The following PIWIL2 variants were observed in gnomAD, a reference collection of about 807,000 sequenced individuals.
PIWIL2 encodes piwi-like protein 2.
PIWIL2 carries 81 observed loss-of-function variants against 116.5 expected under a neutral mutation model. The observed-to-expected ratio is 0.70, with a 90% CI of 0.58 to 0.84. The LOEUF is 0.84. Among genes scored for constraint, PIWIL2 ranks in the 40% least tolerant of loss-of-function variants. PIWIL2 has a pLI of 0.00. For missense variants in PIWIL2, 1,272 were observed against 1,212.3 expected (o/e 1.05, Z -0.73); for synonymous variants, 489 against 429.5 (o/e 1.14, Z -1.71).
At chr8:22,294,644 CA>C (rs897494985) in intron 10 of PIWIL2, among the ~76,000 whole-genome samples, 2,112 of 29,896 alleles carry the variant, frequency 0.071, 4 homozygotes, top group African/African-American at 0.15. Flanking sequence ...GACTCTGTCT[CA>C]AAAAAAAAAA....
intron 19 of PIWIL2, 75 bp downstream of exon 19, chr8:22,316,408 T>C (rs1831461087): frequency 2.2e-6 from 2 of 890,878 alleles, no homozygotes. Flanking sequence ...ATCCAGCAAA[T>C]CTTTTTAGCA....
intron 9 of PIWIL2, 144 bp from the exon 10 acceptor site, chr8:22,290,089 A>G (rs1830724975): frequency 5.7e-6 from 4 of 701,774 alleles, no homozygotes; most frequent in Non-Finnish European, 7.3e-6. Flanking sequence ...TAAGTTTGCA[A>G]TAATGTCAAT....
intron 8 of PIWIL2, among the ~76,000 whole-genome samples, chr8:22,289,640 G>A (rs929466233): frequency 1.3e-5 from 2 of 152,208 alleles, no homozygotes; most frequent in African/African-American, 4.8e-5. Context: ...AAAGACTGCT[G>A]TCATTTTGCT....
At position 22,311,228 on chromosome 8, in the gene PIWIL2, G is replaced by T; in HGVS notation, c.1917G>T (p.Pro639=). 1 of 1,614,122 alleles carries T rather than the reference G, an allele frequency of 6.2e-7. No homozygotes were observed. Among genetic ancestry groups the T allele is most frequent in the Non-Finnish European group, 8.5e-7 (1 of 1,180,004 alleles). Reference sequence around the variant, plus strand: ...CCATTGGCATGCGTATGAGCCCACCGGCCTGGGTTGAACTAAAGGATGACC... The same window carrying T: ...CCATTGGCATGCGTATGAGCCCACCTGCCTGGGTTGAACTAAAGGATGACC... ...AGPIGMRMSP[P]AWVELKDDRI... Residue 639 remains proline (P), a synonymous_variant, in exon 16 of 23, where the codon CCG becomes CCT. Transcript: ENST00000356766.
At chr8:22,321,880 C>G in intron 20 of PIWIL2, 1 of 985,180 alleles carries the variant, frequency 1.0e-6, no homozygotes, top group Non-Finnish European at 1.2e-6. Context: ...CCAACACCTC[C>G]GAACAGTTGC....
chr8:22,307,133 A>G (rs1831201823), intron 13 of PIWIL2, among the ~76,000 whole-genome samples: 1 of 152,196 alleles, frequency 6.6e-6, no homozygotes, highest in South Asian at 2.1e-4. Flanking sequence ...GTTTGGCTGG[A>G]TGCCTCACAC....
intron 10 of PIWIL2, among the ~76,000 whole-genome samples, chr8:22,290,975 T>TATATATATATATATA (rs947701007): frequency 1.3e-4 from 19 of 149,506 alleles, no homozygotes; most frequent in Non-Finnish European, 1.5e-4. Flanking sequence ...TGTATATATA[T>TATATATATATATATA]TTTTTTTAAT....
Position 22,354,392 on chromosome 8 carries a change from T to A in PIWIL2, c.2765+14T>A. 6.7e-7 allele frequency: 1 copy of A among 1,501,516 alleles called. No homozygotes were observed. Among genetic ancestry groups the A allele is most frequent in the Non-Finnish European group, 9.3e-7 (1 of 1,077,430 alleles). 93.0% of individuals were successfully genotyped at this position (1,501,516 alleles called of 1,614,324 possible). ...TCATATGCAGAGGTGGGCCCATCAG[T>A]AACTTACTCTTTCTCTTTCTTAAAT... On this transcript the variant is annotated intron_variant, in intron 22 of 22. Coordinates refer to ENST00000356766, the MANE Select transcript of PIWIL2 (RefSeq NM_018068.5).
In PIWIL2 at chr8:22,334,730, G is replaced by A. The variant is rs547748410; in HGVS notation, c.2403+16455G>A. Among the ~76,000 whole-genome samples the A allele has an allele frequency of 4.5e-4, 69 of 152,064 alleles. No individual in the cohort carries two copies. In the South Asian group the frequency reaches 9.1e-3, roughly 20 times the overall value. The stretch of plus-strand genomic sequence containing the variant: ...CAAAGCACTGGGATTACAGGTATAA[G>A]CTACTGTGCCTGGCAAGATTATTGT... On this transcript the variant is annotated intron_variant, in intron 20 of 22. Coordinates refer to ENST00000356766, the MANE Select transcript of PIWIL2 (RefSeq NM_018068.5).
chr8:22,290,425 T>G, intron 10 of PIWIL2, 79 bp downstream of exon 10: 3 of 751,994 alleles, frequency 4.0e-6, no homozygotes, highest in South Asian at 1.6e-5. Flanking sequence ...ATAACACACA[T>G]TAGACATTGT....
At chr8:22,312,341 T>C (rs1398529475) in intron 16 of PIWIL2, among the ~76,000 whole-genome samples, 1 of 152,072 alleles carries the variant, frequency 6.6e-6, no homozygotes, top group East Asian at 1.9e-4. Context: ...CTTAGCTCAT[T>C]GTTGCCTCAA....
rs772432822 is a variant in PIWIL2 at position 22,355,373 on chromosome 8, G to A, written c.2790G>A (p.Met930Ile). ...MQRLTFKLCH[M>I]YWNWPGTIRV... ...GGCTGACTTTCAAACTGTGCCACAT[G>A]TACTGGAATTGGCCTGGCACCATCA... The change falls in exon 23 of 23, where the codon ATG becomes ATA. Residue 930 changes from methionine (M) to isoleucine (I), a missense_variant. Transcript: ENST00000356766. 3 of 1,614,182 alleles carry A rather than the reference G, an allele frequency of 1.9e-6. No individual in the cohort carries two copies. The highest frequency in any genetic ancestry group is 1.7e-6 in the Non-Finnish European group (2 of 1,180,012).
In PIWIL2 at chr8:22,304,066, T is replaced by C. The variant is rs188831704; in HGVS notation, c.1227T>C (p.Cys409=). The change falls in exon 11 of 23, where the codon TGT becomes TGC. Residue 409 remains cysteine, a synonymous_variant. Transcript: ENST00000356766. ...QQNKEHFQDE[C]TKLLVGNIVI... ...ATAAAGAACACTTCCAGGATGAGTG[T>C]ACTAAGCTTCTGGTTGGCAATATTG... The C allele has an allele frequency of 2.5e-6, 4 of 1,613,714 alleles. No homozygotes were observed. Among genetic ancestry groups the C allele is most frequent in the Middle Eastern group, 1.6e-4 (1 of 6,062 alleles).
At chr8:22,294,528 C>T (rs779502435) in intron 10 of PIWIL2, among the ~76,000 whole-genome samples, 8 of 149,590 alleles carry the variant, frequency 5.3e-5, no homozygotes, top group Non-Finnish European at 1.2e-4. Context: ...GTAGTCCCAG[C>T]TACTCAGGAG....
rs1831427781 is a variant in PIWIL2 at position 22,315,163 on chromosome 8, G to A, written c.2208+18G>A. 7.5e-7 allele frequency: 1 copy of A among 1,326,468 alleles called. No individual in the cohort carries two copies. The allele number at this position is 1,326,468 out of a possible 1,614,324, so 82.2% of individuals were successfully genotyped here. The stretch of plus-strand genomic sequence containing the variant: ...TTCCTCTGGTGAGTGATGCCGAGAT[G>A]GTTCAGTTTGCCTCTCCAGAGAATC... On this transcript the variant is annotated intron_variant, in intron 18 of 22. Coordinates refer to ENST00000356766, the MANE Select transcript of PIWIL2 (RefSeq NM_018068.5).
Position 22,315,157 on chromosome 8 carries a change from C to A in PIWIL2, c.2208+12C>A. 2 of 1,384,084 alleles carry A rather than the reference C, an allele frequency of 1.4e-6. No homozygotes were observed. Among genetic ancestry groups the A allele is most frequent in the South Asian group, 1.2e-5 (1 of 86,290 alleles). The allele number at this position is 1,384,084 out of a possible 1,614,324, so 85.7% of individuals were successfully genotyped here. A position where few individuals can be genotyped will look rare whatever the true frequency, so the allele number is the denominator to read the frequency against. On this transcript the variant is annotated intron_variant, in intron 18 of 22. Transcript: ENST00000356766. ...TGGATATTCCTCTGGTGAGTGATGC[C>A]GAGATGGTTCAGTTTGCCTCTCCAG...
At chr8:22,330,323 TC>T (rs757851069) in intron 20 of PIWIL2, among the ~76,000 whole-genome samples, 15 of 152,150 alleles carry the variant, frequency 9.9e-5, no homozygotes, top group Admixed American at 5.9e-4. Flanking sequence ...TTATTGATAG[TC>T]TTTATTTGGT....
intron 14 of PIWIL2, among the ~76,000 whole-genome samples, chr8:22,309,206 C>T (rs1034065224): frequency 4.6e-5 from 7 of 151,574 alleles, no homozygotes; most frequent in South Asian, 4.2e-4. Context: ...GTGATCCACC[C>T]GCCTTGGCCT....
chr8:22,283,424 T>C (rs1358231736), intron 5 of PIWIL2, among the ~76,000 whole-genome samples, 184 bp downstream of exon 5: 1 of 152,254 alleles, frequency 6.6e-6, no homozygotes, highest in Non-Finnish European at 1.5e-5. Flanking sequence ...TTTTCTTCTT[T>C]TTGAGACGGA....
Sources: allele counts gnomAD v4.1 joint callset (sites outside exome capture counted in the v4.1 genomes callset), GRCh38; gene constraint gnomAD v4.1.1; transcripts MANE v1.5; gene names NCBI Gene and HGNC (gene_info 2026-07-23, HGNC 2026-07-21).